RABGAP1L: variants seen among roughly 807,000 people sequenced by gnomAD.
RABGAP1L encodes RAB GTPase activating protein 1 like.
In RABGAP1L, 63 loss-of-function variants were observed where a neutral mutation model predicts 137.7. The observed-to-expected ratio is 0.46, with a 90% confidence interval of 0.37 to 0.56. The LOEUF (loss-of-function observed/expected upper bound fraction) is 0.56, where lower values mean the gene tolerates loss of function less well. RABGAP1L is among the 20% of genes least tolerant of loss of function. The pLI is 0.00. For synonymous variants in RABGAP1L, 431 were observed against 433.7 expected, an observed-to-expected ratio of 0.99 and a Z score of 0.08; for missense variants, 1,095 against 1,244.0, an observed-to-expected ratio of 0.88 and a Z score of 1.80.
chr1:174,549,174 T>C (rs904363210), intron 13 of RABGAP1L, among the ~76,000 whole-genome samples: 6 of 152,208 alleles, frequency 3.9e-5, no homozygotes, highest in Non-Finnish European at 5.9e-5. Flanking sequence ...TGTTAGCCAT[T>C]TCTGCTGACT....
chr1:174,303,101 G>A (rs189611094), intron 10 of RABGAP1L, among the ~76,000 whole-genome samples: 168 of 151,942 alleles, frequency 1.1e-3, no homozygotes, highest in Middle Eastern at 3.4e-3. Context: ...CACCTCTGCA[G>A]AGGTAAATAG....
At chr1:174,798,848 ATTAG>A (rs1279821826) in intron 18 of RABGAP1L, among the ~76,000 whole-genome samples, 3 of 152,214 alleles carry the variant, frequency 2.0e-5, no homozygotes, top group Non-Finnish European at 4.4e-5. Flanking sequence ...CTGAATATGG[ATTAG>A]TTAATTGTTA....
intron 19 of RABGAP1L, among the ~76,000 whole-genome samples, chr1:174,895,165 G>A (rs1047203194): frequency 1.3e-5 from 2 of 152,260 alleles, no homozygotes; most frequent in Non-Finnish European, 2.9e-5. Flanking sequence ...ATAAGTAAAT[G>A]AAATAAATGA....
At chr1:174,392,978 G>A (rs1366588682) in intron 12 of RABGAP1L, among the ~76,000 whole-genome samples, 2 of 152,204 alleles carry the variant, frequency 1.3e-5, no homozygotes, top group Admixed American at 6.5e-5. Flanking sequence ...CCAGATTCAA[G>A]CTAGGCACCA....
chr1:174,898,306 T>TAA (rs1657576516), intron 19 of RABGAP1L, among the ~76,000 whole-genome samples: 1 of 152,250 alleles, frequency 6.6e-6, no homozygotes, highest in South Asian at 2.1e-4. Flanking sequence ...TGGAAAATGG[T>TAA]AAAGTCAGGA....
intron 14 of RABGAP1L, among the ~76,000 whole-genome samples, chr1:174,640,496 G>T (rs1343308040): frequency 6.6e-6 from 1 of 151,980 alleles, no homozygotes; most frequent in African/African-American, 2.4e-5. Context: ...CCATTTAAAG[G>T]TAGTCTAAGG....
intron 13 of RABGAP1L, among the ~76,000 whole-genome samples, chr1:174,485,108 C>A (rs1040395984): frequency 1.3e-5 from 2 of 152,044 alleles, no homozygotes; most frequent in African/African-American, 4.8e-5. Flanking sequence ...ATTTTATTTG[C>A]AGCTATTGTA....
chr1:174,239,052 T>G (rs1290675814), intron 4 of RABGAP1L: 2 of 154,384 alleles, frequency 1.3e-5, no homozygotes, highest in Non-Finnish European at 2.9e-5. Flanking sequence ...CGTCACCCCT[T>G]TCTTTGACTC....
chr1:174,232,959 G>C (rs980683185), intron 4 of RABGAP1L, among the ~76,000 whole-genome samples: 1 of 152,008 alleles, frequency 6.6e-6, no homozygotes, highest in Non-Finnish European at 1.5e-5. Flanking sequence ...GCCATAGACT[G>C]GTGGTTTACA....
At chr1:174,717,474 C>T (rs970518874) in intron 17 of RABGAP1L, among the ~76,000 whole-genome samples, 1 of 152,102 alleles carries the variant, frequency 6.6e-6, no homozygotes, top group South Asian at 2.1e-4. Flanking sequence ...CTGATTAAAC[C>T]TCTCGTTTAA....
At chr1:174,198,532 T>G (rs992076164) in intron 1 of RABGAP1L, among the ~76,000 whole-genome samples, 1 of 152,326 alleles carries the variant, frequency 6.6e-6, no homozygotes, top group East Asian at 1.9e-4. Context: ...TAGATTTATT[T>G]GATTTAAGAT....
At chr1:174,555,526 G>A (rs1557844740) in intron 13 of RABGAP1L, among the ~76,000 whole-genome samples, 1 of 148,918 alleles carries the variant, frequency 6.7e-6, no homozygotes, top group Non-Finnish European at 1.5e-5. Context: ...CAAGAAAAAT[G>A]TATGTCCCCC....
At chr1:174,301,240 G>T (rs1187829045) in intron 10 of RABGAP1L, among the ~76,000 whole-genome samples, 1 of 151,788 alleles carries the variant, frequency 6.6e-6, no homozygotes, top group Non-Finnish European at 1.5e-5. Flanking sequence ...TCCTGTGATG[G>T]TCTCTGATGT....
intron 19 of RABGAP1L, among the ~76,000 whole-genome samples, chr1:174,856,519 A>G (rs1649333949): frequency 6.6e-6 from 1 of 152,184 alleles, no homozygotes; most frequent in South Asian, 2.1e-4. Flanking sequence ...TACACATTGG[A>G]ATACCTGGAC....
At chr1:174,300,776 G>T (rs113873500) in intron 10 of RABGAP1L, among the ~76,000 whole-genome samples, 7 of 152,194 alleles carry the variant, frequency 4.6e-5, no homozygotes, top group African/African-American at 1.7e-4. Context: ...CTGAGGCAGA[G>T]AATTGCTTCA....
intron 13 of RABGAP1L, among the ~76,000 whole-genome samples, chr1:174,572,418 T>C (rs1033736948): frequency 6.6e-6 from 1 of 152,156 alleles, no homozygotes; most frequent in Non-Finnish European, 1.5e-5. Flanking sequence ...GGAGTCTTGC[T>C]CAGTCACCCC....
At chr1:174,799,337 T>A (rs2148818904) in intron 18 of RABGAP1L, among the ~76,000 whole-genome samples, 1 of 152,350 alleles carries the variant, frequency 6.6e-6, no homozygotes, top group South Asian at 2.1e-4. Flanking sequence ...TCTTTGGCTC[T>A]TCTGTCCATA....
At chr1:174,670,582 C>G (rs891566195) in intron 14 of RABGAP1L, among the ~76,000 whole-genome samples, 4 of 152,116 alleles carry the variant, frequency 2.6e-5, no homozygotes. Flanking sequence ...AACCATCCTT[C>G]TATTCTGTAT....
intron 18 of RABGAP1L, among the ~76,000 whole-genome samples, chr1:174,760,929 G>A (rs1484054169): frequency 6.6e-6 from 1 of 152,204 alleles, no homozygotes; most frequent in Admixed American, 6.5e-5. Context: ...ACTGTTCTAT[G>A]TGCTTGAATA....
Sources: gnomAD v4.1 joint callset for allele counts (sites outside exome capture counted in the v4.1 genomes callset) on GRCh38, gnomAD v4.1.1 for gene constraint, MANE v1.5 for transcripts, NCBI Gene and HGNC (gene_info 2026-07-23, HGNC 2026-07-21) for gene names.